The following STOX2 variants were observed in gnomAD, a reference collection of about 807,000 sequenced individuals.
STOX2 encodes the protein storkhead-box protein 2.
STOX2 carries 28 observed loss-of-function variants against 60.9 expected under a neutral mutation model. That is an observed-to-expected ratio of 0.46 (90% CI 0.34 to 0.63). The LOEUF (loss-of-function observed/expected upper bound fraction) is 0.63. Ranked by LOEUF, STOX2 falls within the 30% of genes least tolerant of loss-of-function variation. The pLI, the probability that STOX2 is intolerant of heterozygous loss-of-function variation, is 0.01. For missense variants in STOX2, 1,024 were observed against 1,187.7 expected, an observed-to-expected ratio of 0.86 and a Z score of 2.03; for synonymous variants, 472 against 463.9, an observed-to-expected ratio of 1.02 and a Z score of -0.22.
chr4:183,859,242 A>T (rs1406418427), intron 1 of STOX2, among the ~76,000 whole-genome samples: 2 of 152,152 alleles, frequency 1.3e-5, no homozygotes, highest in African/African-American at 4.8e-5. Flanking sequence ...AGGGTGTCAC[A>T]TGCTGCCAGG....
intron 1 of STOX2, among the ~76,000 whole-genome samples, chr4:183,841,722 A>G (rs1739867163): frequency 6.6e-6 from 1 of 152,252 alleles, no homozygotes; most frequent in East Asian, 1.9e-4. Context: ...GCATTCCAAA[A>G]TACATGCCAG....
intron 1 of STOX2, among the ~76,000 whole-genome samples, chr4:183,874,753 C>T (rs1740773742): frequency 1.3e-5 from 2 of 149,986 alleles, no homozygotes; most frequent in South Asian, 2.1e-4. Context: ...GGTGAAACCC[C>T]GTCTCTAGTA....
rs1486032900 is a variant in STOX2 at position 184,017,846 on chromosome 4, T to G, written c.*562T>G. 1.3e-5 allele frequency: 2 copies of G among 152,222 alleles called. No homozygotes were observed. Among genetic ancestry groups the G allele is most frequent in the Admixed American group, 1.3e-4 (2 of 15,274 alleles). 9.4% of individuals were successfully genotyped at this position (152,222 alleles called of 1,614,324 possible). On this transcript the variant is annotated 3_prime_UTR_variant, in exon 4 of 4. Transcript: ENST00000308497. Reference sequence around the variant, plus strand: ...CCCGGCCCTTTGTGTGTGAATTGTTTATGCACCAGTCATTTTTCACTGTGA... The same window carrying G: ...CCCGGCCCTTTGTGTGTGAATTGTTGATGCACCAGTCATTTTTCACTGTGA...
intron 1 of STOX2, among the ~76,000 whole-genome samples, chr4:183,951,444 C>T (rs1445572243): frequency 1.5e-5 from 1 of 66,496 alleles, no homozygotes; most frequent in Admixed American, 2.3e-4. Context: ...CTCTCTCTCT[C>T]TTTTTTTTTT....
At chr4:183,874,968 T>A (rs867278024) in intron 1 of STOX2, among the ~76,000 whole-genome samples, 125 of 91,376 alleles carry the variant, frequency 1.4e-3, no homozygotes, top group African/African-American at 4.8e-3. Context: ...TATATATATA[T>A]ATATATATAT....
intron 1 of STOX2, among the ~76,000 whole-genome samples, chr4:183,891,755 G>GA (rs1309711523): frequency 6.6e-6 from 1 of 151,508 alleles, no homozygotes; most frequent in Non-Finnish European, 1.5e-5. Context: ...AAACCCTATG[G>GA]AAGAACAGAA....
At chr4:183,887,879 G>A (rs1343096553) in intron 1 of STOX2, among the ~76,000 whole-genome samples, 1 of 152,174 alleles carries the variant, frequency 6.6e-6, no homozygotes, top group African/African-American at 2.4e-5. Flanking sequence ...GAGTAGCTGG[G>A]ACTATAAGTG....
intron 1 of STOX2, among the ~76,000 whole-genome samples, chr4:183,954,447 C>G (rs914312391): frequency 6.6e-6 from 1 of 151,918 alleles, no homozygotes; most frequent in African/African-American, 2.4e-5. Flanking sequence ...CACCACCATA[C>G]CTGGCTAATT....
intron 1 of STOX2, among the ~76,000 whole-genome samples, chr4:183,888,452 C>T (rs1344068106): frequency 6.6e-6 from 1 of 152,214 alleles, no homozygotes; most frequent in Non-Finnish European, 1.5e-5. Context: ...GCTGGCTCTG[C>T]ATTCTGTACT....
Position 184,009,019 on chromosome 4 carries a change from T to A in STOX2, c.320-139T>A, listed in dbSNP as rs1734009373. 1.6e-5 allele frequency: 11 copies of A among 669,450 alleles called. 1 individual carries two copies. In the East Asian group the frequency reaches 3.0e-4, roughly 19 times the overall value. The allele number at this position is 669,450 out of a possible 1,614,324, so 41.5% of individuals were successfully genotyped here. A position where few individuals can be genotyped will look rare whatever the true frequency, so the allele number is the denominator to read the frequency against. ...AGGCGAGGATTTGCACTGAACTTAA[T>A]GAACACCTTTGTCTGAATTGTGCAT... On this transcript the variant is annotated intron_variant, in intron 2 of 3. Transcript: ENST00000308497. This position sits in a 1 kb window ranked among gnomAD's most constrained non-coding sequence, Gnocchi z 4.0.
intron 1 of STOX2, among the ~76,000 whole-genome samples, chr4:183,949,322 A>T (rs1742996690): frequency 6.6e-6 from 1 of 151,714 alleles, no homozygotes; most frequent in African/African-American, 2.4e-5. Context: ...GGAAATTCAA[A>T]GGTAGCATTT....
chr4:183,954,024 C>T (rs1743171809), intron 1 of STOX2, among the ~76,000 whole-genome samples: 1 of 152,178 alleles, frequency 6.6e-6, no homozygotes, highest in Non-Finnish European at 1.5e-5. Flanking sequence ...GCCTCTAATT[C>T]TCATTGAAGG....
intron 3 of STOX2, 53 bp from the exon 4 acceptor site, chr4:184,017,036 T>C: frequency 6.9e-7 from 1 of 1,448,838 alleles, no homozygotes; most frequent in Non-Finnish European, 9.3e-7. Flanking sequence ...GGGCTCAATT[T>C]ATAATTATTT....
chr4:183,860,890 CCA>C (rs1218953410), intron 1 of STOX2, among the ~76,000 whole-genome samples: 9 of 152,196 alleles, frequency 5.9e-5, no homozygotes, highest in Non-Finnish European at 8.8e-5. Flanking sequence ...ACAGCCTTTC[CCA>C]CAGTGCTCGC....
chr4:183,864,311 C>G (rs1268353256), intron 1 of STOX2, among the ~76,000 whole-genome samples: 2 of 152,098 alleles, frequency 1.3e-5, no homozygotes, highest in African/African-American at 2.4e-5. Context: ...TTCTGCAAAT[C>G]CTACTTTGGA....
chr4:183,970,039 C>G (rs1471351493), intron 1 of STOX2, among the ~76,000 whole-genome samples: 1 of 152,080 alleles, frequency 6.6e-6, no homozygotes, highest in African/African-American at 2.4e-5. Context: ...TCATTCCTGT[C>G]TCAATAGAGA....
intron 1 of STOX2, among the ~76,000 whole-genome samples, chr4:183,944,578 G>A (rs898757008): frequency 1.6e-4 from 25 of 152,202 alleles, no homozygotes; most frequent in Admixed American, 1.2e-3. Flanking sequence ...GTCAAGCGTG[G>A]TGGCGCATGC....
chr4:183,916,753 A>C (rs1365493856), intron 1 of STOX2, among the ~76,000 whole-genome samples: 1 of 152,242 alleles, frequency 6.6e-6, no homozygotes, highest in Non-Finnish European at 1.5e-5. Flanking sequence ...TGACTTGCAC[A>C]GAAGCTACAC....
chr4:184,005,457 C>T (rs1415361332), intron 2 of STOX2, among the ~76,000 whole-genome samples: 2 of 59,280 alleles, frequency 3.4e-5, no homozygotes, highest in Non-Finnish European at 4.2e-5. Context: ...GACGATATCT[C>T]AAAAAAAAAA....
Sources: allele counts gnomAD v4.1 joint callset (sites outside exome capture counted in the v4.1 genomes callset), GRCh38; gene constraint gnomAD v4.1.1; non-coding constraint Gnocchi (gnomAD v3.1); transcripts MANE v1.5; gene names NCBI Gene and HGNC (gene_info 2026-07-23, HGNC 2026-07-21).